The following SLC24A4 variants were observed in gnomAD, a reference collection of about 807,000 sequenced individuals.
The protein encoded by SLC24A4 is solute carrier family 24 member 4.
Under a neutral mutation model 79.0 loss-of-function variants are expected in SLC24A4, and 53 were observed. The ratio of observed to expected loss-of-function variants is 0.67; its 90% CI spans 0.54 to 0.84. The LOEUF (loss-of-function observed/expected upper bound fraction) is 0.84, where lower values mean the gene tolerates loss of function less well. Ranked by LOEUF, SLC24A4 falls within the 40% of genes least tolerant of loss-of-function variation. The pLI is 0.00. For missense variants in SLC24A4, 731 were observed against 822.0 expected (o/e 0.89, Z 1.35); for synonymous variants, 323 against 323.8 (o/e 1.00, Z 0.03).
chr14:92,442,032 G>C, intron 4 of SLC24A4, 57 bp from the exon 5 acceptor site: 1 of 1,395,958 alleles, frequency 7.2e-7, no homozygotes, highest in Non-Finnish European at 1.0e-6. Flanking sequence ...AGAGCGTCCA[G>C]TGATGTCCAG....
In SLC24A4 at chr14:92,387,153, AG is replaced by A. The variant is rs1381095864; in HGVS notation, c.242-46754del. ...GGGGGCAACTGGGCAGGGGGTACAGAGGGGGTGGCCTGACCCTGGAGAGAAG... is the reference window on the plus strand; with the variant it reads ...GGGGGCAACTGGGCAGGGGGTACAGAGGGGTGGCCTGACCCTGGAGAGAAG... On this transcript the variant is annotated intron_variant, in intron 2 of 16. Transcript: ENST00000532405. 2.8e-5 allele frequency among the ~76,000 whole-genome samples: 4 copies of A among 143,364 alleles called. No individual in the cohort carries two copies. The East Asian group carries it at 8.0e-4, about 29-fold the overall frequency. 94.1% of individuals were successfully genotyped at this position (143,364 alleles called of 152,430 possible).
At chr14:92,414,098 A>T (rs1039254898) in intron 2 of SLC24A4, among the ~76,000 whole-genome samples, 5 of 152,144 alleles carry the variant, frequency 3.3e-5, no homozygotes, top group Admixed American at 3.3e-4. Context: ...ATCAGTGTTC[A>T]GTGGGCAAAG....
intron 12 of SLC24A4, chr14:92,457,308 C>CTTT (rs1893538458): frequency 6.5e-6 from 1 of 152,812 alleles, no homozygotes. Context: ...CCTAGAACTG[C>CTTT]GCACCTGCCC....
chr14:92,491,788 CT>C lies in SLC24A4; in HGVS notation c.1650+12del. ...AATTATGGATCAACAGTAAGTTCCT[CT>C]CACCTTTAACAGATGTGTTTTACCC... On this transcript the variant is annotated intron_variant, in intron 15 of 16. Transcript: ENST00000532405. The C allele has an allele frequency of 1.3e-6, 2 of 1,593,390 alleles. No individual in the cohort carries two copies. Among genetic ancestry groups the C allele is most frequent in the East Asian group, 4.5e-5 (2 of 44,792 alleles).
At chr14:92,415,857 G>T (rs1285754287) in intron 2 of SLC24A4, among the ~76,000 whole-genome samples, 1 of 151,816 alleles carries the variant, frequency 6.6e-6, no homozygotes, top group Non-Finnish European at 1.5e-5. Flanking sequence ...GTGAGGTTTG[G>T]GTGCACCCAT....
chr14:92,485,294 TG>T (rs1895287766), intron 13 of SLC24A4, among the ~76,000 whole-genome samples: 1 of 151,994 alleles, frequency 6.6e-6, no homozygotes, highest in African/African-American at 2.4e-5. Flanking sequence ...TGAGACCCTG[TG>T]TCTACAAAAA....
intron 2 of SLC24A4, among the ~76,000 whole-genome samples, chr14:92,399,203 A>G (rs900314060): frequency 2.6e-5 from 4 of 152,200 alleles, no homozygotes; most frequent in Non-Finnish European, 5.9e-5. Context: ...CATGTTGTTA[A>G]TTTCATGCAC....
rs1478435708 is a variant in SLC24A4, at chr14:92,449,322, A to ACC, written c.880+108_880+109dup. ...CACACACACACACACACACACACAC[A>ACC]CCCTCTCACAATGTCCCCCCTCTAA... On this transcript the variant is annotated intron_variant, in intron 10 of 16. Transcript: ENST00000532405. 62 of 1,031,094 alleles carry ACC rather than the reference A, an allele frequency of 6.0e-5. 1 individual carries two copies. The highest frequency in any genetic ancestry group is 1.2e-4 in the Admixed American group (4 of 34,548). 63.9% of individuals were successfully genotyped at this position (1,031,094 alleles called of 1,614,324 possible).
chr14:92,484,167 C>T (rs1895232061), intron 13 of SLC24A4: 1 of 985,196 alleles, frequency 1.0e-6, no homozygotes, highest in South Asian at 4.7e-5. Context: ...CCAACCCAAT[C>T]ACGCCTTCCC....
chr14:92,330,318 T>TA lies in SLC24A4; in HGVS notation c.241+4346dup, dbSNP rs200792016. Among the ~76,000 whole-genome samples the TA allele has an allele frequency of 2.1e-3, 313 of 152,340 alleles. 5 individuals are homozygous for TA. In the East Asian group the frequency reaches 0.054, roughly 26 times the overall value. ...CACTTATTTAATAGAGCCATTTTCC[T>TA]AAAAAACATGTTTTTAAATGTAGGA... On this transcript the variant is annotated intron_variant, in intron 2 of 16. Coordinates refer to ENST00000532405, the MANE Select transcript of SLC24A4 (RefSeq NM_153646.4).
At chr14:92,335,081 C>A (rs190427653) in intron 2 of SLC24A4, among the ~76,000 whole-genome samples, 5 of 152,028 alleles carry the variant, frequency 3.3e-5, no homozygotes, top group Admixed American at 2.0e-4. Context: ...ACGCGGCCAA[C>A]AAAAAGCAGA....
chr14:92,476,837 T>G (rs964996960), intron 12 of SLC24A4, among the ~76,000 whole-genome samples: 1 of 152,268 alleles, frequency 6.6e-6, no homozygotes, highest in African/African-American at 2.4e-5. Flanking sequence ...TTTCACTTTG[T>G]GTAATGTTTA....
intron 2 of SLC24A4, among the ~76,000 whole-genome samples, chr14:92,392,772 C>T (rs750068590): frequency 3.9e-5 from 6 of 152,180 alleles, no homozygotes; most frequent in African/African-American, 7.2e-5. Flanking sequence ...CGAGGAAGCC[C>T]GTTTGCCTCT....
intron 2 of SLC24A4, among the ~76,000 whole-genome samples, chr14:92,366,319 AGGTGACGGG>A (rs1218951610): frequency 1.3e-5 from 2 of 152,102 alleles, no homozygotes; most frequent in Non-Finnish European, 2.9e-5. Context: ...GATGGTCCTG[AGGTGACGGG>A]GTTGGAGTCC....
At chr14:92,434,770 TTTTA>T (rs1389994960) in intron 3 of SLC24A4, among the ~76,000 whole-genome samples, 2 of 152,122 alleles carry the variant, frequency 1.3e-5, no homozygotes, top group Non-Finnish European at 2.9e-5. Context: ...ACTTAAAGTA[TTTTA>T]TTTATTTATT....
At chr14:92,447,233 T>G in intron 8 of SLC24A4, 138 bp from the exon 9 acceptor site, 1 of 699,562 alleles carries the variant, frequency 1.4e-6, no homozygotes, top group South Asian at 1.7e-5. Context: ...CTCTCTCACA[T>G]GCCTGGGTTC....
In SLC24A4 at chr14:92,323,949, T is replaced by G. The variant is rs1231445442; in HGVS notation, c.119T>G (p.Phe40Cys). 6.2e-7 allele frequency: 1 copy of G among 1,610,952 alleles called. No individual in the cohort carries two copies. Among genetic ancestry groups the G allele is most frequent in the South Asian group, 1.1e-5 (1 of 90,820 alleles). The change falls in exon 1 of 17, where the codon TTC becomes TGC. Residue 40 changes from phenylalanine (F) to cysteine (C), a missense_variant. Transcript: ENST00000532405. This position sits in a 1 kb window ranked among gnomAD's most constrained non-coding sequence, Gnocchi z 4.9. ...LALVCCASGLFGSLGHKTASA... is the reference protein window; with the variant it reads ...LALVCCASGLCGSLGHKTASA... ...CTGGTGTGCTGTGCGTCCGGCCTCT[T>G]CGGCAGCTTGGGTGGGTGCTGGTAC...
intron 2 of SLC24A4, among the ~76,000 whole-genome samples, chr14:92,328,686 T>C (rs1471510613): frequency 1.3e-5 from 2 of 152,244 alleles, no homozygotes; most frequent in Non-Finnish European, 2.9e-5. Context: ...GACTCAAATA[T>C]GCTGAGGCTG....
chr14:92,348,792 A>C (rs139480150), intron 2 of SLC24A4, among the ~76,000 whole-genome samples: 158 of 152,348 alleles, frequency 1.0e-3, no homozygotes, highest in African/African-American at 3.7e-3. Context: ...AAAGCGTTCT[A>C]AGGAGTCCCC....
Sources: gnomAD v4.1 joint callset for allele counts (sites outside exome capture counted in the v4.1 genomes callset) on GRCh38, gnomAD v4.1.1 for gene constraint, Gnocchi (gnomAD v3.1) non-coding constraint, MANE v1.5 for transcripts, NCBI Gene and HGNC (gene_info 2026-07-23, HGNC 2026-07-21) for gene names.